The following CLMN variants were observed in gnomAD, a reference collection of about 807,000 sequenced individuals.
CLMN encodes the protein calmin, also known as calmin (calponin-like, transmembrane).
In CLMN, 57 loss-of-function variants were observed where a neutral mutation model predicts 92.7. The ratio of observed to expected loss-of-function variants is 0.61; its 90% CI spans 0.50 to 0.77. CLMN has a LOEUF of 0.77. Among genes scored for constraint, CLMN ranks in the 30% least tolerant of loss-of-function variants. The pLI, the probability that CLMN is intolerant of heterozygous loss-of-function variation, is 0.00. For missense variants in CLMN, 1,158 were observed against 1,237.5 expected (o/e 0.94, Z 0.96); for synonymous variants, 466 against 470.6 (o/e 0.99, Z 0.13).
At chr14:95,220,273 C>T in intron 4 of CLMN, among the ~76,000 whole-genome samples, 1 of 145,408 alleles carries the variant, frequency 6.9e-6, no homozygotes, top group East Asian at 2.1e-4. Context: ...GCCTCCAGGG[C>T]TCAAGCAATT....
At chr14:95,296,299 A>G (rs904330601) in intron 1 of CLMN, 2 of 152,262 alleles carry the variant, frequency 1.3e-5, no homozygotes, top group Non-Finnish European at 2.9e-5. Flanking sequence ...CCACTCCCTC[A>G]ATAATGACAC....
At chr14:95,277,146 T>G (rs1317869402) in intron 1 of CLMN, among the ~76,000 whole-genome samples, 1 of 152,182 alleles carries the variant, frequency 6.6e-6, no homozygotes, top group African/African-American at 2.4e-5. Flanking sequence ...CTTCGCAAAG[T>G]TTTGATTAAT....
intron 1 of CLMN, among the ~76,000 whole-genome samples, chr14:95,283,648 T>C (rs995724558): frequency 3.3e-5 from 5 of 152,214 alleles, no homozygotes; most frequent in Non-Finnish European, 7.3e-5. Flanking sequence ...TGTTATGTTT[T>C]AGCAAAGATA....
chr14:95,303,559 C>T (rs755145088), intron 1 of CLMN, among the ~76,000 whole-genome samples: 3 of 152,216 alleles, frequency 2.0e-5, no homozygotes, highest in Non-Finnish European at 4.4e-5. Flanking sequence ...ACCTCAACCA[C>T]GGATGAACCA....
intron 1 of CLMN, among the ~76,000 whole-genome samples, chr14:95,314,632 A>T (rs1371960654): frequency 6.6e-6 from 1 of 152,236 alleles, no homozygotes; most frequent in Non-Finnish European, 1.5e-5. Flanking sequence ...ACCCTGGCTC[A>T]GGCCTTCAGC....
rs117128627 is a variant in CLMN at position 95,317,815 on chromosome 14, G to A, written c.82+1896C>T. Among the ~76,000 whole-genome samples the A allele has an allele frequency of 2.2e-4, 34 of 152,282 alleles. No homozygotes were observed. The East Asian group carries it at 5.6e-3, about 25-fold the overall frequency. On this transcript the variant is annotated intron_variant, in intron 1 of 12. Transcript: ENST00000298912. ...TTACATAGATGTACTCATACATAAA[G>A]TTTTGTTGAACTTAATAAGTGCACA...
At chr14:95,211,801 C>A (rs1416660660) in intron 6 of CLMN, among the ~76,000 whole-genome samples, 1 of 152,172 alleles carries the variant, frequency 6.6e-6, no homozygotes, top group Non-Finnish European at 1.5e-5. Flanking sequence ...GGTGCGTTAT[C>A]CAAACCAGAA....
chr14:95,216,621 T>C (rs751913656), intron 4 of CLMN, among the ~76,000 whole-genome samples: 2 of 152,114 alleles, frequency 1.3e-5, no homozygotes, highest in African/African-American at 2.4e-5. Flanking sequence ...GGTGGGTGAG[T>C]TGACTGCTAA....
At chr14:95,233,579 G>A (rs928529504) in intron 1 of CLMN, among the ~76,000 whole-genome samples, 1 of 152,188 alleles carries the variant, frequency 6.6e-6, no homozygotes, top group Non-Finnish European at 1.5e-5. Context: ...CATGGAATCT[G>A]CACTCCAAGA....
intron 1 of CLMN, among the ~76,000 whole-genome samples, chr14:95,250,135 C>G (rs1898725475): frequency 6.6e-6 from 1 of 152,320 alleles, no homozygotes; most frequent in African/African-American, 2.4e-5. Context: ...CCTGAATGGC[C>G]CTACTGGGCC....
At chr14:95,264,989 A>G (rs1172513000) in intron 1 of CLMN, among the ~76,000 whole-genome samples, 1 of 151,442 alleles carries the variant, frequency 6.6e-6, no homozygotes, top group Non-Finnish European at 1.5e-5. Flanking sequence ...GCTCATGTCT[A>G]TAATCCTAGC....
In CLMN at chr14:95,203,770, GT is replaced by G; in HGVS notation, c.1578del (p.Pro528GlnfsTer6). On this transcript the variant is annotated frameshift_variant, in exon 9 of 13. Coordinates refer to ENST00000298912, the MANE Select transcript of CLMN (RefSeq NM_024734.4). LOFTEE classifies it high-confidence loss of function. Reference sequence around the variant, plus strand: ...GCCATCACAGTATTTTCTCCTGGGGGTGAAAGAGAGTGACTTTCTTCATCGT... The same window carrying G: ...GCCATCACAGTATTTTCTCCTGGGGGGAAAGAGAGTGACTTTCTTCATCGT... The part of the protein sequence containing the change: ...ARHDEESHSL[S>X]PPGENTVMAD... 1.2e-6 allele frequency: 2 copies of G among 1,614,146 alleles called. No homozygotes were observed. The highest frequency in any genetic ancestry group is 1.3e-5 in the African/African-American group (1 of 75,040).
chr14:95,259,536 C>T lies in CLMN; in HGVS notation c.83-29403G>A, dbSNP rs574856361. Among the ~76,000 whole-genome samples, 1 of 152,258 alleles carries T rather than the reference C, an allele frequency of 6.6e-6. No homozygotes were observed. The highest frequency in any genetic ancestry group is 2.1e-4 in the South Asian group (1 of 4,820). Reference sequence around the variant, plus strand: ...GAGGAAACGAGACAGGCTGTAGTTCCCACAGAGCTGCTGGGAGCAGGCCAG... The same window carrying T: ...GAGGAAACGAGACAGGCTGTAGTTCTCACAGAGCTGCTGGGAGCAGGCCAG... On this transcript the variant is annotated intron_variant, in intron 1 of 12. Transcript: ENST00000298912. The surrounding 1 kb of genome is among the most constrained non-coding windows in gnomAD (Gnocchi z 4.3).
At chr14:95,286,941 G>A (rs778049472) in intron 1 of CLMN, among the ~76,000 whole-genome samples, 2 of 152,222 alleles carry the variant, frequency 1.3e-5, no homozygotes, top group African/African-American at 4.8e-5. Flanking sequence ...GTGAAAGGTG[G>A]CATCTATGAT....
At chr14:95,218,966 C>T (rs1474421749) in intron 4 of CLMN, among the ~76,000 whole-genome samples, 7 of 152,204 alleles carry the variant, frequency 4.6e-5, no homozygotes, top group African/African-American at 7.2e-5. Context: ...AGTCCTTCCC[C>T]GACTCAGCTG....
At position 95,209,226 on chromosome 14, in the gene CLMN, T is replaced by A. The variant is rs78489397; in HGVS notation, c.885+169A>T. On this transcript the variant is annotated intron_variant, in intron 8 of 12. Transcript: ENST00000298912. Reference sequence around the variant, plus strand: ...CCCCCGCATATGAGGGGGACAACTATCATTCTGAAATTAAAACATGGTAAG... The same window carrying A: ...CCCCCGCATATGAGGGGGACAACTAACATTCTGAAATTAAAACATGGTAAG... 0.044 allele frequency among the ~76,000 whole-genome samples: 6,713 copies of A among 152,236 alleles called. 207 individuals carry two copies. Among genetic ancestry groups the A allele is most frequent in the Middle Eastern group, 0.092 (27 of 294 alleles).
intron 1 of CLMN, among the ~76,000 whole-genome samples, chr14:95,279,682 A>C (rs1262355136): frequency 6.6e-6 from 1 of 152,164 alleles, no homozygotes; most frequent in Non-Finnish European, 1.5e-5. Context: ...CCTCGGGAGG[A>C]TGAGGCAGGA....
Position 95,203,466 on chromosome 14 carries a change from T to C in CLMN, c.1883A>G (p.Lys628Arg), listed in dbSNP as rs1434504538. ...TCCGGAGTCCTGATGAGGTTCATGTTTGTCCATCTTAACTTGAGGCTCTGG... is the reference window on the plus strand; with the variant it reads ...TCCGGAGTCCTGATGAGGTTCATGTCTGTCCATCTTAACTTGAGGCTCTGG... ...DSPEPQVKMD[K>R]HEPHQDSGEE... The change falls in exon 9 of 13, where the codon AAA (lysine) becomes AGA (arginine). Residue 628 changes from lysine to arginine, a missense_variant. Coordinates refer to ENST00000298912, the MANE Select transcript of CLMN (RefSeq NM_024734.4). 1.2e-6 allele frequency: 2 copies of C among 1,614,164 alleles called. No individual in the cohort carries two copies. Among genetic ancestry groups the C allele is most frequent in the Admixed American group, 1.7e-5 (1 of 60,026 alleles).
intron 4 of CLMN, 39 bp from the exon 5 acceptor site, chr14:95,215,772 C>A: frequency 1.4e-6 from 2 of 1,450,200 alleles, no homozygotes. Context: ...GCGAGGTGTC[C>A]AGGGAGGATA....
Sources: gnomAD v4.1 joint callset for allele counts (sites outside exome capture counted in the v4.1 genomes callset) on GRCh38, gnomAD v4.1.1 for gene constraint, Gnocchi (gnomAD v3.1) non-coding constraint, MANE v1.5 for transcripts, NCBI Gene and HGNC (gene_info 2026-07-23, HGNC 2026-07-21) for gene names.